PPP3CB: variants seen among roughly 807,000 people sequenced by gnomAD.
The protein encoded by PPP3CB is protein phosphatase 3 catalytic subunit beta.
PPP3CB carries 8 observed loss-of-function variants against 66.4 expected under a neutral mutation model. That is an observed-to-expected ratio of 0.12 (90% CI 0.07 to 0.22). The LOEUF is 0.22. Ranked by LOEUF, PPP3CB falls within the 10% of genes least tolerant of loss-of-function variation. PPP3CB has a pLI of 1.00. For missense variants in PPP3CB, 319 were observed against 642.5 expected, an observed-to-expected ratio of 0.50 and a Z score of 5.44; for synonymous variants, 208 against 221.2, an observed-to-expected ratio of 0.94 and a Z score of 0.53.
chr10:73,447,569 AAGG>A (rs1483653916), intron 10 of PPP3CB, among the ~76,000 whole-genome samples: 1 of 152,200 alleles, frequency 6.6e-6, no homozygotes, highest in Non-Finnish European at 1.5e-5. Context: ...ACTAATTCAA[AAGG>A]GGCCTTAGGT....
rs751838066 is a variant in PPP3CB at position 73,444,826 on chromosome 10, T to C, written c.1269-4A>G. 2.9e-5 allele frequency: 46 copies of C among 1,612,222 alleles called. 1 individual carries two copies. In the South Asian group the frequency reaches 4.9e-4, roughly 17 times the overall value. On this transcript the variant is annotated splice_region_variant and splice_polypyrimidine_tract_variant and intron_variant, in intron 11 of 13. Coordinates refer to ENST00000360663, the MANE Select transcript of PPP3CB (RefSeq NM_021132.4). ...CAGCACACTTTCACTCTCCTCCCTA[T>C]AGCAGAGAGATATAACAAATATCAG... is the stretch of plus-strand genomic sequence containing the variant.
At chr10:73,477,011 T>A in intron 3 of PPP3CB, 1 of 355,950 alleles carries the variant, frequency 2.8e-6, no homozygotes, top group Non-Finnish European at 5.5e-6. Context: ...AAGGTTTCAG[T>A]ATCTACTAGG....
At chr10:73,490,761 C>A (rs1042092538) in intron 1 of PPP3CB, among the ~76,000 whole-genome samples, 8 of 152,266 alleles carry the variant, frequency 5.3e-5, no homozygotes, top group African/African-American at 9.6e-5. Context: ...CATCCCCTCA[C>A]ACTCTTTTTC....
chr10:73,483,052 C>G (rs2056908220), intron 1 of PPP3CB, among the ~76,000 whole-genome samples: 1 of 152,324 alleles, frequency 6.6e-6, no homozygotes, highest in East Asian at 1.9e-4. Context: ...ACAAGTGGTA[C>G]TGCATGTTTT....
intron 1 of PPP3CB, among the ~76,000 whole-genome samples, chr10:73,490,860 A>G (rs1383642156): frequency 1.3e-5 from 2 of 151,846 alleles, no homozygotes; most frequent in South Asian, 2.1e-4. Context: ...TTGAGACGGA[A>G]TATCGCTCTG....
At chr10:73,448,122 T>C (rs896620768) in intron 10 of PPP3CB, among the ~76,000 whole-genome samples, 1 of 152,158 alleles carries the variant, frequency 6.6e-6, no homozygotes, top group African/African-American at 2.4e-5. Context: ...TTAAAGTAGC[T>C]AGACTGGGGA....
chr10:73,489,671 C>T (rs552363892), intron 1 of PPP3CB, among the ~76,000 whole-genome samples: 1 of 152,280 alleles, frequency 6.6e-6, no homozygotes, highest in Admixed American at 6.5e-5. Flanking sequence ...AGAGCTTGTG[C>T]TTTTAATCAT....
In PPP3CB at chr10:73,470,935, T is replaced by C. The variant is rs1397264033; in HGVS notation, c.839A>G (p.Asn280Ser). 6.2e-7 allele frequency: 1 copy of C among 1,613,490 alleles called. No individual in the cohort carries two copies. The highest frequency in any genetic ancestry group is 1.7e-5 in the Admixed American group (1 of 59,990). Residue 280 changes from asparagine to serine, a missense_variant, in exon 7 of 14, where the codon AAC becomes AGC. Coordinates refer to ENST00000360663, the MANE Select transcript of PPP3CB (RefSeq NM_021132.4). The stretch of plus-strand genomic sequence containing the variant: ...TCTAATAATCGATAACAAATTATTG[T>C]TTTGCAAAAATTCACACACTGCTGG... Reference protein sequence around the residue: ...NYPAVCEFLQNNNLLSIIRAH... With the variant: ...NYPAVCEFLQSNNLLSIIRAH...
Position 73,470,735 on chromosome 10 carries a change from T to C in PPP3CB, c.934A>G (p.Ile312Val). The change falls in exon 8 of 14, where the codon ATA becomes GTA. Residue 312 changes from isoleucine (I) to valine (V), a missense_variant. Ile to Val is a conservative substitution (Grantham distance 29, BLOSUM62 3). Around this residue, in one of 5 missense-constraint regions of PPP3CB, gnomAD observed 120 missense variants for 331.2 expected, o/e 0.36. Transcript: ENST00000360663. ...KSQTTGFPSL[I>V]TIFSAPNYLD... ...TAATTAGGTGCCGAAAAAATTGTTA[T>C]TAATGAAGGGAACCCTGTAGTTTGA... 1 of 1,604,034 alleles carries C rather than the reference T, an allele frequency of 6.2e-7. No homozygotes were observed. Among genetic ancestry groups the C allele is most frequent in the Non-Finnish European group, 8.5e-7 (1 of 1,173,848 alleles).
chr10:73,450,587 T>G (rs193120663), intron 10 of PPP3CB, among the ~76,000 whole-genome samples: 4 of 152,206 alleles, frequency 2.6e-5, no homozygotes, highest in Non-Finnish European at 4.4e-5. Context: ...ACTGGAAGAG[T>G]GAAAACAATG....
In PPP3CB at chr10:73,437,755, C is replaced by T. The variant is rs534664730; in HGVS notation, c.*487G>A. 4 of 152,908 alleles carry T rather than the reference C, an allele frequency of 2.6e-5. No homozygotes were observed. The highest frequency in any genetic ancestry group is 1.3e-4 in the Admixed American group (2 of 15,296). The allele number at this position is 152,908 out of a possible 1,614,324, so 9.5% of individuals were successfully genotyped here. A position where few individuals can be genotyped will look rare whatever the true frequency, so the allele number is the denominator to read the frequency against. On this transcript the variant is annotated 3_prime_UTR_variant, in exon 14 of 14. Coordinates refer to ENST00000360663, the MANE Select transcript of PPP3CB (RefSeq NM_021132.4). The stretch of plus-strand genomic sequence containing the variant: ...TTGTATAAATGCCAACTGGGTTTCT[C>T]GGCATTTTGCTCACAATTCAAAATA...
intron 10 of PPP3CB, among the ~76,000 whole-genome samples, chr10:73,452,291 AG>A (rs1398310465): frequency 6.6e-6 from 1 of 152,200 alleles, no homozygotes; most frequent in Non-Finnish European, 1.5e-5. Flanking sequence ...AGACTCAGAA[AG>A]GTTAAGTAAG....
At chr10:73,484,496 C>T (rs989140250) in intron 1 of PPP3CB, among the ~76,000 whole-genome samples, 2 of 151,928 alleles carry the variant, frequency 1.3e-5, no homozygotes, top group South Asian at 2.1e-4. Context: ...TGGTCTCGAT[C>T]TCCTGACCTC....
chr10:73,443,278 A>AAGAC (rs1400166653), intron 12 of PPP3CB, among the ~76,000 whole-genome samples: 2,344 of 102,760 alleles, frequency 0.023, 37 homozygotes, highest in Non-Finnish European at 0.034. Flanking sequence ...GAAAGAAAGA[A>AAGAC]AGAAAGACAG....
Position 73,471,483 on chromosome 10 carries a change from C to T in PPP3CB, c.654G>A (p.Leu218=). Residue 218 remains leucine, a synonymous_variant, in exon 5 of 14, where the codon CTG becomes CTA. Transcript: ENST00000360663. ...ATATACTTACTCTCCTAATATCATC[C>T]AGTGTGTGTATTTCTGGTGAAAGTC... ...HGGLSPEIHT[L]DDIRRLDRFK... 1.9e-6 allele frequency: 3 copies of T among 1,608,464 alleles called. No individual in the cohort carries two copies. Among genetic ancestry groups the T allele is most frequent in the Admixed American group, 1.7e-5 (1 of 58,960 alleles).
At chr10:73,485,950 G>A (rs12774210) in intron 1 of PPP3CB, among the ~76,000 whole-genome samples, 70,346 of 124,548 alleles carry the variant, frequency 0.56, 21,341 homozygotes, top group Middle Eastern at 0.66. Flanking sequence ...GTGTGTGTGT[G>A]TATTTTTTTT....
chr10:73,449,291 C>G (rs2056308466), intron 10 of PPP3CB, among the ~76,000 whole-genome samples: 1 of 152,210 alleles, frequency 6.6e-6, no homozygotes, highest in Non-Finnish European at 1.5e-5. Context: ...TTTCCTAAAT[C>G]TGAATTGCAG....
intron 1 of PPP3CB, among the ~76,000 whole-genome samples, chr10:73,488,912 A>G (rs1448628069): frequency 6.6e-6 from 1 of 152,216 alleles, no homozygotes; most frequent in Non-Finnish European, 1.5e-5. Flanking sequence ...ATCATTTACT[A>G]GAAAAATCTC....
rs2056091056 is a variant in PPP3CB, at chr10:73,437,828, T to C, written c.*414A>G. The C allele has an allele frequency of 6.4e-6, 1 of 157,090 alleles. No individual in the cohort carries two copies. Among genetic ancestry groups the C allele is most frequent in the East Asian group, 1.9e-4 (1 of 5,290 alleles). The allele number at this position is 157,090 out of a possible 1,614,324, so 9.7% of individuals were successfully genotyped here. On this transcript the variant is annotated 3_prime_UTR_variant, in exon 14 of 14. Transcript: ENST00000360663. ...ATTTTAAGACCATGCTAATTCATCC[T>C]TTAAAGACATTTCATGGAAAAAGAA...
Sources: gnomAD v4.1 joint callset for allele counts (sites outside exome capture counted in the v4.1 genomes callset) on GRCh38, gnomAD v4.1.1 for gene constraint, gnomAD v4.1.1 regional missense constraint, MANE v1.5 for transcripts, NCBI Gene and HGNC (gene_info 2026-07-23, HGNC 2026-07-21) for gene names.